Variants in DYM observed in about 807,000 individuals in gnomAD.
DYM encodes dymeclin.
DYM carries 78 observed loss-of-function variants against 93.1 expected under a neutral mutation model. The observed-to-expected ratio is 0.84, with a 90% CI of 0.70 to 1.01. The LOEUF (loss-of-function observed/expected upper bound fraction) is 1.01. DYM is among the 50% of genes least tolerant of loss of function. The pLI, the probability that DYM is intolerant of heterozygous loss-of-function variation, is 0.00. For synonymous variants in DYM, 321 were observed against 319.7 expected, an observed-to-expected ratio of 1.00 and a Z score of -0.04; for missense variants, 789 against 845.0, an observed-to-expected ratio of 0.93 and a Z score of 0.82.
chr18:49,316,093 C>T (rs1019336870), intron 8 of DYM, among the ~76,000 whole-genome samples: 1 of 152,118 alleles, frequency 6.6e-6, no homozygotes, highest in Non-Finnish European at 1.5e-5. Context: ...ACCAGCCTGG[C>T]CAACACAGTG....
At chr18:49,134,290 G>T (rs1002662368) in intron 15 of DYM, among the ~76,000 whole-genome samples, 10 of 152,196 alleles carry the variant, frequency 6.6e-5, no homozygotes, top group African/African-American at 1.9e-4. Flanking sequence ...GATATTTCTA[G>T]CGAAGCAGCA....
Position 49,038,757 on chromosome 18 carries a change from TTC to T in DYM, c.*5296_*5297del, listed in dbSNP as rs945220467. Among the ~76,000 whole-genome samples the T allele has an allele frequency of 3.3e-5, 5 of 152,224 alleles. No homozygotes were observed. Among genetic ancestry groups the T allele is most frequent in the East Asian group, 3.8e-4 (2 of 5,208 alleles). The stretch of plus-strand genomic sequence containing the variant: ...TCTTCCACTGAATTGATTATTCGAA[TTC>T]TCTCTTATTATGTGGAAAGCTATAC... On this transcript the variant is annotated 3_prime_UTR_variant, in exon 18 of 18. Coordinates refer to ENST00000675505, the MANE Select transcript of DYM (RefSeq NM_001353214.3).
chr18:49,268,039 T>C (rs2094601541), intron 11 of DYM, among the ~76,000 whole-genome samples: 1 of 152,164 alleles, frequency 6.6e-6, no homozygotes, highest in South Asian at 2.1e-4. Flanking sequence ...AAACTGCATG[T>C]GAATCTACAA....
intron 15 of DYM, among the ~76,000 whole-genome samples, chr18:49,133,885 G>A (rs2083593163): frequency 6.6e-6 from 1 of 152,136 alleles, no homozygotes; most frequent in East Asian, 1.9e-4. Flanking sequence ...ACAGGTTCTG[G>A]GGATAGGATG....
At chr18:49,060,416 T>C (rs2075854751) in intron 17 of DYM, among the ~76,000 whole-genome samples, 1 of 151,920 alleles carries the variant, frequency 6.6e-6, no homozygotes, top group South Asian at 2.1e-4. Context: ...GAGTCTTAAG[T>C]GGTCCTCTCC....
At chr18:49,275,994 A>G (rs2094839472) in intron 10 of DYM, among the ~76,000 whole-genome samples, 1 of 152,152 alleles carries the variant, frequency 6.6e-6, no homozygotes, top group African/African-American at 2.4e-5. Flanking sequence ...TTATCTATAT[A>G]TAAGATAATG....
At chr18:49,145,226 A>G (rs532206144) in intron 15 of DYM, among the ~76,000 whole-genome samples, 6 of 149,080 alleles carry the variant, frequency 4.0e-5, no homozygotes, top group African/African-American at 7.4e-5. Flanking sequence ...TTAAACTCAC[A>G]TTACACCCGT....
chr18:49,212,591 A>T (rs937070610), intron 13 of DYM, among the ~76,000 whole-genome samples: 7 of 151,984 alleles, frequency 4.6e-5, no homozygotes, highest in African/African-American at 1.7e-4. Flanking sequence ...TAAACTACCT[A>T]GGCAAGTGAT....
At chr18:49,321,427 C>G (rs2062473412) in intron 8 of DYM, 1 of 397,964 alleles carries the variant, frequency 2.5e-6, no homozygotes, top group East Asian at 3.6e-5. Context: ...ATTCCCAAAG[C>G]CAATCCTGGG....
intron 8 of DYM, among the ~76,000 whole-genome samples, chr18:49,313,462 C>CAAAAAAAAAAAAAA (rs60775305): frequency 7.0e-5 from 2 of 28,564 alleles, no homozygotes; most frequent in African/African-American, 2.7e-4. Flanking sequence ...GACTCTGTCA[C>CAAAAAAAAAAAAAA]AAAAAAAAAA....
chr18:49,444,269 G>A (rs771219345), intron 1 of DYM, among the ~76,000 whole-genome samples: 16 of 152,118 alleles, frequency 1.1e-4, no homozygotes, highest in African/African-American at 3.4e-4. Flanking sequence ...ATATCCTGAC[G>A]CGTCCTGCCA....
chr18:49,166,522 G>A (rs1343012776), intron 14 of DYM, among the ~76,000 whole-genome samples: 2 of 151,950 alleles, frequency 1.3e-5, no homozygotes, highest in Non-Finnish European at 1.5e-5. Context: ...CAAAACTGCT[G>A]AGTAAGAGTA....
intron 17 of DYM, among the ~76,000 whole-genome samples, chr18:49,062,599 C>A (rs2076073502): frequency 1.3e-5 from 2 of 152,228 alleles, no homozygotes; most frequent in South Asian, 2.1e-4. Context: ...CGGCACAGTG[C>A]CCAGCCCTGA....
intron 16 of DYM, among the ~76,000 whole-genome samples, chr18:49,108,505 G>C (rs1406765529): frequency 6.6e-6 from 1 of 152,136 alleles, no homozygotes; most frequent in Admixed American, 6.5e-5. Flanking sequence ...GCTCACACTG[G>C]GAGCTGTAGA....
intron 14 of DYM, among the ~76,000 whole-genome samples, chr18:49,208,076 G>A (rs4503868): frequency 0.68 from 103,242 of 150,970 alleles, 37,586 homozygotes; most frequent in Non-Finnish European, 0.81. Context: ...CCAGCTACTC[G>A]GGAGGCTGAG....
At chr18:49,371,095 T>G (rs960441979) in intron 5 of DYM, among the ~76,000 whole-genome samples, 2 of 152,176 alleles carry the variant, frequency 1.3e-5, no homozygotes, top group African/African-American at 4.8e-5. Context: ...AACCTGAGAC[T>G]CCACATTAAG....
chr18:49,335,946 T>C (rs2063634785), intron 6 of DYM, among the ~76,000 whole-genome samples: 1 of 152,068 alleles, frequency 6.6e-6, no homozygotes, highest in Non-Finnish European at 1.5e-5. Flanking sequence ...CTCAAGTAGC[T>C]GGGACTACAG....
intron 8 of DYM, among the ~76,000 whole-genome samples, chr18:49,294,954 G>A (rs893560702): frequency 6.6e-6 from 1 of 152,136 alleles, no homozygotes; most frequent in African/African-American, 2.4e-5. Context: ...TGCTAGAGAT[G>A]TTCAGTCAAC....
chr18:49,181,931 G>C (rs1217012392), intron 14 of DYM, among the ~76,000 whole-genome samples: 2 of 151,990 alleles, frequency 1.3e-5, no homozygotes, highest in African/African-American at 2.4e-5. Flanking sequence ...TTCCAATATA[G>C]GCATTTCAGG....
Sources: gnomAD v4.1 joint callset for allele counts (sites outside exome capture counted in the v4.1 genomes callset) on GRCh38, gnomAD v4.1.1 for gene constraint, MANE v1.5 for transcripts, NCBI Gene and HGNC (gene_info 2026-07-23, HGNC 2026-07-21) for gene names.